BRD9: variants seen among roughly 807,000 people sequenced by gnomAD.
BRD9 encodes bromodomain-containing protein 9.
In BRD9, 47 loss-of-function variants were observed where a neutral mutation model predicts 68.7. The observed-to-expected ratio is 0.68, with a 90% CI of 0.54 to 0.87. The LOEUF is 0.87. BRD9 is among the 40% of genes least tolerant of loss of function. The pLI, the probability that BRD9 is intolerant of heterozygous loss-of-function variation, is 0.00. For synonymous variants in BRD9, 313 were observed against 293.9 expected (o/e 1.06, Z -0.67); for missense variants, 670 against 748.4 (o/e 0.90, Z 1.22).
At chr5:880,838 C>G (rs1751627364) in intron 9 of BRD9, among the ~76,000 whole-genome samples, 1 of 152,246 alleles carries the variant, frequency 6.6e-6, no homozygotes, top group Admixed American at 6.5e-5. Flanking sequence ...CCTTAAAGGC[C>G]TCTCGGCAGC....
rs531254797 is a variant in BRD9 at position 884,833 on chromosome 5, G to A, written c.834-763C>T. Among the ~76,000 whole-genome samples the A allele has an allele frequency of 6.0e-4, 91 of 152,378 alleles. No individual in the cohort carries two copies. In the South Asian group the frequency reaches 0.018, roughly 31 times the overall value. ...AGCCCCATGAGCTCCGCAGGGAGGG[G>A]CTCCACTCAGGCACCTGCGTGAGCC... On this transcript the variant is annotated intron_variant, in intron 7 of 15. Transcript: ENST00000467963.
At chr5:874,071 A>G (rs1303476037) in intron 12 of BRD9, among the ~76,000 whole-genome samples, 2 of 152,252 alleles carry the variant, frequency 1.3e-5, no homozygotes, top group Non-Finnish European at 2.9e-5. Context: ...AGCCTTGCCC[A>G]GCAGACATAA....
intron 3 of BRD9, chr5:890,169 G>A (rs1158711037): frequency 1.6e-5 from 3 of 190,070 alleles, no homozygotes; most frequent in Admixed American, 5.5e-5. Context: ...CTCCAGCCTA[G>A]GCGACACAGC....
intron 6 of BRD9, 147 bp from the exon 7 acceptor site, chr5:886,854 A>G: frequency 7.1e-7 from 1 of 1,408,856 alleles, no homozygotes; most frequent in Non-Finnish European, 9.6e-7. Flanking sequence ...GGGGATGGTC[A>G]CAGCCTCACC....
intron 1 of BRD9, chr5:892,142 G>A (rs1333154586): frequency 6.4e-6 from 3 of 468,626 alleles, no homozygotes; most frequent in African/African-American, 2.0e-5. Flanking sequence ...GGATTAAGAG[G>A]GACCTGGAAC....
At position 891,734 on chromosome 5, in the gene BRD9, T is replaced by C; in HGVS notation, c.173A>G (p.His58Arg). 6.4e-7 allele frequency: 1 copy of C among 1,551,718 alleles called. No homozygotes were observed. The highest frequency in any genetic ancestry group is 8.7e-7 in the Non-Finnish European group (1 of 1,147,010). Residue 58 changes from histidine to arginine, a missense_variant, in exon 2 of 16, where the codon CAT becomes CGT. His to Arg is a conservative substitution (Grantham distance 29). Transcript: ENST00000467963. Reference sequence around the variant, plus strand: ...CTTTTCTTTGTGCCTCTCTCGCTCATGGTCTGACCTGTCATCATAGTAACT... The same window carrying C: ...CTTTTCTTTGTGCCTCTCTCGCTCACGGTCTGACCTGTCATCATAGTAACT... Reference protein sequence around the residue: ...DSSYYDDRSDHERERHKEKKK... With the variant: ...DSSYYDDRSDRERERHKEKKK...
At chr5:874,777 G>A (rs1248247390) in intron 12 of BRD9, among the ~76,000 whole-genome samples, 1 of 152,238 alleles carries the variant, frequency 6.6e-6, no homozygotes, top group Non-Finnish European at 1.5e-5. Flanking sequence ...ACTGATCTGG[G>A]ATAACAGGTT....
intron 8 of BRD9, chr5:882,826 A>T (rs1751977935): frequency 5.3e-6 from 1 of 188,576 alleles, no homozygotes. Context: ...AGACCACAGC[A>T]ACTTCCCAAC....
chr5:890,207 AAAAG>A (rs1560932634), intron 3 of BRD9, among the ~76,000 whole-genome samples: 1 of 152,132 alleles, frequency 6.6e-6, no homozygotes, highest in African/African-American at 2.4e-5. Context: ...ATAAATTAAA[AAAAG>A]AAAGTGCCTG....
At chr5:870,426 A>C (rs757876141) in intron 14 of BRD9, 47 bp downstream of exon 14, 2 of 1,454,566 alleles carry the variant, frequency 1.4e-6, no homozygotes, top group African/African-American at 2.8e-5. Flanking sequence ...TTCTTCCTCT[A>C]TCACACCTTC....
In BRD9 at chr5:886,629, C is replaced by G. The variant is rs34292369; in HGVS notation, c.796G>C (p.Ala266Pro). The G allele has an allele frequency of 1.2e-6, 2 of 1,613,984 alleles. No homozygotes were observed. The highest frequency in any genetic ancestry group is 1.7e-6 in the Non-Finnish European group (2 of 1,179,986). ...CTACTCGGCTTTTTGGATTTCTTGG[C>G]AGTTTCTACTTGTACTGGTACAACT... ...PEVVPVQVETAKKSKKPSREV... is the reference protein window; with the variant it reads ...PEVVPVQVETPKKSKKPSREV... Residue 266 changes from alanine (A) to proline (P), a missense_variant, in exon 7 of 16, where the codon GCC becomes CCC. Physicochemically the swap from Ala to Pro is conservative, Grantham distance 27 (BLOSUM62 -1). Transcript: ENST00000467963.
chr5:876,209 CA>C lies in BRD9; in HGVS notation c.1274del (p.Leu425ArgfsTer5). 11 of 1,613,358 alleles carry C rather than the reference CA, an allele frequency of 6.8e-6. No homozygotes were observed. The highest frequency in any genetic ancestry group is 9.3e-6 in the Non-Finnish European group (11 of 1,179,550). On this transcript the variant is annotated frameshift_variant and splice_region_variant, in exon 12 of 16. Transcript: ENST00000467963. LOFTEE classifies it high-confidence loss of function. ...DETGVQCALS[L>X]QEFVKDAGSY... ...TCCCAGCATCCTTCACAAACTCCTG[CA>C]GGCTAGAGGGGCCGCGGGAGAAGGT...
In BRD9 at chr5:871,406, C is replaced by G. The variant is rs1750109402; in HGVS notation, c.1422+120G>C. ...GAGAAACACTATTGATCTTACTGAT[C>G]AGAAACGGACTCCATTTCTAAACGC... On this transcript the variant is annotated intron_variant, in intron 13 of 15. Coordinates refer to ENST00000467963, the MANE Select transcript of BRD9 (RefSeq NM_023924.5). 6.9e-6 allele frequency: 6 copies of G among 874,726 alleles called. No individual in the cohort carries two copies. The East Asian group carries it at 7.2e-5, about 11-fold the overall frequency. The allele number at this position is 874,726 out of a possible 1,614,324, so 54.2% of individuals were successfully genotyped here. A position where few individuals can be genotyped will look rare whatever the true frequency, so the allele number is the denominator to read the frequency against.
At chr5:872,904 G>A (rs1350209596) in intron 12 of BRD9, among the ~76,000 whole-genome samples, 1 of 152,152 alleles carries the variant, frequency 6.6e-6, no homozygotes, top group African/African-American at 2.4e-5. Flanking sequence ...AGAAAGAAAA[G>A]ACAACATCCT....
chr5:887,733 G>A (rs563950201), intron 5 of BRD9, among the ~76,000 whole-genome samples: 27 of 152,308 alleles, frequency 1.8e-4, no homozygotes, highest in Non-Finnish European at 3.4e-4. Flanking sequence ...AATGCTGTGT[G>A]AGGAAAAAGC....
intron 7 of BRD9, among the ~76,000 whole-genome samples, chr5:884,877 CTG>C (rs1752315825): frequency 6.6e-6 from 1 of 152,256 alleles, no homozygotes; most frequent in Non-Finnish European, 1.5e-5. Flanking sequence ...ATGCGCACTG[CTG>C]TGACACTAGG....
At chr5:864,673 G>C (rs1749077096) in intron 15 of BRD9, 105 bp from the exon 16 acceptor site, 1 of 918,954 alleles carries the variant, frequency 1.1e-6, no homozygotes, top group Non-Finnish European at 1.7e-6. Flanking sequence ...CCAGGGCTCA[G>C]GGACTCCCAG....
intron 1 of BRD9, 91 bp from the exon 2 acceptor site, chr5:891,945 C>A (rs1753485165): frequency 6.6e-7 from 1 of 1,505,030 alleles, no homozygotes; most frequent in African/African-American, 1.4e-5. Flanking sequence ...AGGGAAAGGC[C>A]TCCCTAAGGA....
intron 5 of BRD9, 89 bp downstream of exon 5, chr5:888,932 T>C (rs1170495501): frequency 2.3e-5 from 32 of 1,383,190 alleles, no homozygotes; most frequent in African/African-American, 4.5e-5. Context: ...GCTCAAAAAC[T>C]AGAAATGATC....
Sources: gnomAD v4.1 joint callset for allele counts (sites outside exome capture counted in the v4.1 genomes callset) on GRCh38, gnomAD v4.1.1 for gene constraint, MANE v1.5 for transcripts, NCBI Gene and HGNC (gene_info 2026-07-23, HGNC 2026-07-21) for gene names.